GNPDA2: variants seen among roughly 807,000 people sequenced by gnomAD.
GNPDA2 encodes the protein glucosamine-6-phosphate deaminase 2.
GNPDA2 carries 24 observed loss-of-function variants against 27.0 expected under a neutral mutation model. The observed-to-expected ratio is 0.89, with a 90% CI of 0.64 to 1.25. The LOEUF (loss-of-function observed/expected upper bound fraction) is 1.25, where lower values mean the gene tolerates loss of function less well. Among genes scored for constraint, GNPDA2 ranks in the 50% most tolerant of loss-of-function variants. GNPDA2 has a pLI of 0.00. For synonymous variants in GNPDA2, 94 were observed against 108.4 expected (o/e 0.87, Z 0.83); for missense variants, 286 against 335.1 (o/e 0.85, Z 1.14).
intron 4 of GNPDA2, among the ~76,000 whole-genome samples, chr4:44,711,828 T>TATATATATAC (rs1553878842): frequency 6.1e-5 from 9 of 148,320 alleles, no homozygotes; most frequent in African/African-American, 1.7e-4. Flanking sequence ...TATATATATA[T>TATATATATAC]ACACATATAC....
chr4:44,721,056 GAA>G (rs11345999), intron 2 of GNPDA2, among the ~76,000 whole-genome samples: 8 of 144,686 alleles, frequency 5.5e-5, no homozygotes, highest in South Asian at 2.2e-4. Flanking sequence ...TGTGTCCAGT[GAA>G]AAAAAAAAAA....
At chr4:44,712,427 C>A (rs1185153459) in intron 4 of GNPDA2, among the ~76,000 whole-genome samples, 2 of 151,914 alleles carry the variant, frequency 1.3e-5, no homozygotes, top group East Asian at 3.9e-4. Context: ...GTACAGAATG[C>A]CAAAGTACAA....
At chr4:44,705,820 C>A (rs1243512293) in intron 6 of GNPDA2, 6 of 151,826 alleles carry the variant, frequency 4.0e-5, no homozygotes, top group African/African-American at 1.5e-4. Context: ...ACGTCTCTGT[C>A]TGTTAAGCCT....
Position 44,711,052 on chromosome 4 carries a change from A to G in GNPDA2, c.495T>C (p.Asp165=). 6.2e-7 allele frequency: 1 copy of G among 1,613,324 alleles called. No homozygotes were observed. The highest frequency in any genetic ancestry group is 8.5e-7 in the Non-Finnish European group (1 of 1,179,486). The change falls in exon 5 of 7, where the codon GAT becomes GAC. Residue 165 remains aspartate, a synonymous_variant. Coordinates refer to ENST00000295448, the MANE Select transcript of GNPDA2 (RefSeq NM_138335.3). ...SRTRLKTLAM[D]TILANAKYFD... ...AATATTTGGCATTTGCCAAGATGGT[A>G]TCCATTGCTAGAGTCTTTAATCTTG...
intron 4 of GNPDA2, chr4:44,714,355 C>A: frequency 1.0e-6 from 1 of 985,286 alleles, no homozygotes; most frequent in Non-Finnish European, 1.2e-6. Context: ...ACACCTTTTA[C>A]CCTTTCTCTG....
At chr4:44,704,615 A>T in intron 6 of GNPDA2, 1 of 797,390 alleles carries the variant, frequency 1.3e-6, no homozygotes, top group Non-Finnish European at 1.5e-6. Context: ...CTGTGACTTT[A>T]GGTAAAAACT....
intron 5 of GNPDA2, among the ~76,000 whole-genome samples, chr4:44,709,610 T>G (rs1716845110): frequency 6.6e-6 from 1 of 152,228 alleles, no homozygotes; most frequent in East Asian, 1.9e-4. Flanking sequence ...TAAAAGGTTA[T>G]GAAATAAGCT....
Position 44,702,643 on chromosome 4 carries a change from A to C in GNPDA2, c.*438T>G. 8.9e-6 allele frequency: 9 copies of C among 1,013,514 alleles called. No homozygotes were observed. The highest frequency in any genetic ancestry group is 1.1e-5 in the Non-Finnish European group (9 of 849,356). 62.8% of individuals were successfully genotyped at this position (1,013,514 alleles called of 1,614,324 possible). A position where few individuals can be genotyped will look rare whatever the true frequency, so the allele number is the denominator to read the frequency against. On this transcript the variant is annotated 3_prime_UTR_variant, in exon 7 of 7. Coordinates refer to ENST00000295448, the MANE Select transcript of GNPDA2 (RefSeq NM_138335.3). ...GCAGAAAAGCATGTGTGTGATGCAC[A>C]GAAAATATAAAGATTGCATTCCAAA...
chr4:44,713,920 T>C (rs1210497421), intron 4 of GNPDA2, among the ~76,000 whole-genome samples: 2 of 152,168 alleles, frequency 1.3e-5, no homozygotes, highest in Non-Finnish European at 2.9e-5. Flanking sequence ...CGTTAAGATA[T>C]TTTAAAAGTT....
intron 6 of GNPDA2, chr4:44,705,196 T>TA (rs1269633856): frequency 1.0e-6 from 1 of 981,904 alleles, no homozygotes; most frequent in Non-Finnish European, 1.2e-6. Flanking sequence ...GGATGACAAT[T>TA]ATAGGAATTT....
intron 6 of GNPDA2, chr4:44,704,286 AAAGAT>A (rs1403175459): frequency 1.0e-6 from 1 of 983,776 alleles, no homozygotes; most frequent in Admixed American, 6.2e-5. Flanking sequence ...AGGGGACAAC[AAAGAT>A]AAGGGTAATA....
intron 6 of GNPDA2, chr4:44,705,627 T>C (rs2109691743): frequency 4.3e-6 from 1 of 232,506 alleles, no homozygotes; most frequent in South Asian, 1.6e-4. Context: ...GTGATTATCA[T>C]ATGGGAAAAA....
chr4:44,720,439 TC>T (rs1221428487), intron 2 of GNPDA2, among the ~76,000 whole-genome samples: 1 of 152,112 alleles, frequency 6.6e-6, no homozygotes, highest in African/African-American at 2.4e-5. Flanking sequence ...TCAAGCCTAT[TC>T]TTGAACTGCA....
At chr4:44,704,863 A>C in intron 6 of GNPDA2, 2 of 984,254 alleles carry the variant, frequency 2.0e-6, no homozygotes, top group Non-Finnish European at 2.4e-6. Flanking sequence ...GTAAGAGAAA[A>C]AAATTCATGA....
chr4:44,717,289 G>T lies in GNPDA2; in HGVS notation c.233C>A (p.Pro78Gln). The T allele has an allele frequency of 6.8e-6, 10 of 1,470,846 alleles. No homozygotes were observed. The highest frequency in any genetic ancestry group is 9.2e-6 in the Non-Finnish European group (10 of 1,087,888). The allele number at this position is 1,470,846 out of a possible 1,614,324, so 91.1% of individuals were successfully genotyped here. ...ATGGTAGCTTTCAGGATGATTTCTTGGAAGTCCTAAAGATGAAGTTAATAA... is the reference window on the plus strand; with the variant it reads ...ATGGTAGCTTTCAGGATGATTTCTTTGAAGTCCTAAAGATGAAGTTAATAA... ...TFNMDEYVGL[P>Q]RNHPESYHSY... Residue 78 changes from proline to glutamine, a missense_variant, in exon 4 of 7, where the codon CCA becomes CAA. Transcript: ENST00000295448.
chr4:44,719,129 T>C (rs998920345), intron 2 of GNPDA2, among the ~76,000 whole-genome samples: 1 of 152,012 alleles, frequency 6.6e-6, no homozygotes, highest in African/African-American at 2.4e-5. Flanking sequence ...ATTTAGCCAC[T>C]CGAGGATGGC....
At chr4:44,721,896 G>T (rs568546583) in intron 2 of GNPDA2, among the ~76,000 whole-genome samples, 188 bp downstream of exon 2, 1 of 152,196 alleles carries the variant, frequency 6.6e-6, no homozygotes, top group East Asian at 1.9e-4. Flanking sequence ...TTTGGCACAA[G>T]AACTAGTAAC....
At chr4:44,708,715 T>A (rs1381249720) in intron 5 of GNPDA2, among the ~76,000 whole-genome samples, 1 of 152,076 alleles carries the variant, frequency 6.6e-6, no homozygotes, top group Non-Finnish European at 1.5e-5. Flanking sequence ...CATATTTTTG[T>A]AATATAATCT....
At chr4:44,725,763 C>T (rs1717971916) in intron 1 of GNPDA2, among the ~76,000 whole-genome samples, 1 of 63,972 alleles carries the variant, frequency 1.6e-5, no homozygotes, top group Non-Finnish European at 5.8e-5. Flanking sequence ...AATTCTCTGG[C>T]ATCACAAGAC....
Sources: gnomAD v4.1 joint callset for allele counts (sites outside exome capture counted in the v4.1 genomes callset) on GRCh38, gnomAD v4.1.1 for gene constraint, MANE v1.5 for transcripts, NCBI Gene and HGNC (gene_info 2026-07-23, HGNC 2026-07-21) for gene names.